Variants in NTRK2 observed in about 807,000 individuals in gnomAD.
The protein encoded by NTRK2 is neurotrophic receptor tyrosine kinase 2.
In NTRK2, 13 loss-of-function variants were observed where a neutral mutation model predicts 94.5. That is an observed-to-expected ratio of 0.14 (90% CI 0.09 to 0.22). The LOEUF is 0.22. Ranked by LOEUF, NTRK2 falls within the 10% of genes least tolerant of loss-of-function variation. NTRK2 has a pLI of 1.00. For missense variants in NTRK2, 639 were observed against 1,071.2 expected, an observed-to-expected ratio of 0.60 and a Z score of 5.63; for synonymous variants, 372 against 407.4, an observed-to-expected ratio of 0.91 and a Z score of 1.05.
chr9:84,757,352 A>AATCAAAT (rs1317770622), intron 12 of NTRK2, among the ~76,000 whole-genome samples: 4 of 152,372 alleles, frequency 2.6e-5, no homozygotes, highest in Non-Finnish European at 4.4e-5. Flanking sequence ...GTATGTAAAC[A>AATCAAAT]ATCAAATATA....
At chr9:85,000,705 A>T (rs974892299) in intron 17 of NTRK2, among the ~76,000 whole-genome samples, 2 of 152,234 alleles carry the variant, frequency 1.3e-5, no homozygotes, top group South Asian at 2.1e-4. Context: ...GCAATTATGA[A>T]TAAAGCGGGT....
intron 2 of NTRK2, among the ~76,000 whole-genome samples, chr9:84,681,864 C>T (rs1381106800): frequency 6.6e-6 from 1 of 152,186 alleles, no homozygotes; most frequent in East Asian, 1.9e-4. Flanking sequence ...CACTATATTG[C>T]TATATAAAGA....
At chr9:84,744,927 A>G (rs759944588) in intron 10 of NTRK2, 46 bp from the exon 11 acceptor site, 1 of 1,330,500 alleles carries the variant, frequency 7.5e-7, no homozygotes, top group Admixed American at 1.7e-5. Context: ...TTGGCAGCTT[A>G]ATGACAACTT....
intron 12 of NTRK2, among the ~76,000 whole-genome samples, chr9:84,779,534 A>G (rs1458299859): frequency 6.6e-6 from 1 of 152,234 alleles, no homozygotes; most frequent in Non-Finnish European, 1.5e-5. Context: ...TTGTCTAGAC[A>G]CACTGAGACA....
At chr9:84,884,911 A>G (rs2076367330) in intron 14 of NTRK2, among the ~76,000 whole-genome samples, 1 of 152,196 alleles carries the variant, frequency 6.6e-6, no homozygotes, top group Non-Finnish European at 1.5e-5. Context: ...TATTATTTGC[A>G]TTTCTGAGAA....
chr9:84,837,666 G>T (rs1186713865), intron 12 of NTRK2, among the ~76,000 whole-genome samples: 2 of 152,158 alleles, frequency 1.3e-5, no homozygotes, highest in Non-Finnish European at 2.9e-5. Context: ...ATAATCACAT[G>T]CTACTATGAT....
intron 9 of NTRK2, among the ~76,000 whole-genome samples, chr9:84,741,605 A>G (rs1274457928): frequency 6.6e-6 from 1 of 152,214 alleles, no homozygotes; most frequent in Non-Finnish European, 1.5e-5. Flanking sequence ...AAAGAAGAAA[A>G]ATGGTAATAA....
intron 10 of NTRK2, among the ~76,000 whole-genome samples, chr9:84,743,871 A>G (rs1294632202): frequency 1.3e-5 from 2 of 152,246 alleles, no homozygotes; most frequent in Non-Finnish European, 1.5e-5. Context: ...AATGATGAGA[A>G]TGTGGTTTTG....
intron 17 of NTRK2, among the ~76,000 whole-genome samples, chr9:84,990,635 G>A (rs184086198): frequency 1.9e-4 from 29 of 152,266 alleles, no homozygotes; most frequent in East Asian, 5.8e-4. Flanking sequence ...ACTCTCCCAC[G>A]TTGGTTCCAA....
Position 85,021,553 on chromosome 9 carries a change from T to C in NTRK2, c.*116T>C, listed in dbSNP as rs1832781138. On this transcript the variant is annotated 3_prime_UTR_variant, in exon 19 of 19. Coordinates refer to ENST00000277120, the MANE Select transcript of NTRK2 (RefSeq NM_006180.6). ...GCTGCTCTCCTTCACTCTGACAGTATTAACATCAAAGACTCCGAGAAGCTC... is the reference window on the plus strand; with the variant it reads ...GCTGCTCTCCTTCACTCTGACAGTACTAACATCAAAGACTCCGAGAAGCTC... 9.7e-7 allele frequency: 1 copy of C among 1,025,992 alleles called. No individual in the cohort carries two copies. Among genetic ancestry groups the C allele is most frequent in the South Asian group, 1.3e-5 (1 of 77,118 alleles). The allele number at this position is 1,025,992 out of a possible 1,614,324, so 63.6% of individuals were successfully genotyped here.
chr9:84,814,446 T>C (rs199523617), intron 12 of NTRK2: 61 of 1,065,502 alleles, frequency 5.7e-5, no homozygotes, highest in Non-Finnish European at 5.9e-5. Context: ...TGACTTTTTT[T>C]TCTCTCTCTC....
At chr9:84,813,532 G>A (rs1015798800) in intron 12 of NTRK2, 2 of 1,065,158 alleles carry the variant, frequency 1.9e-6, no homozygotes, top group Admixed American at 1.1e-4. Context: ...TGAGGGCTTT[G>A]TTACCACAAG....
chr9:84,910,214 A>T (rs1027051415), intron 14 of NTRK2, among the ~76,000 whole-genome samples: 21 of 152,308 alleles, frequency 1.4e-4, no homozygotes, highest in Admixed American at 4.6e-4. Flanking sequence ...CAGGGCTGTT[A>T]TAATAAATTA....
At position 84,762,023 on chromosome 9, in the gene NTRK2, G is replaced by GT. The variant is rs531733462; in HGVS notation, c.1396+9948dup. 6.8e-3 allele frequency among the ~76,000 whole-genome samples: 1,008 copies of GT among 148,880 alleles called. 20 individuals carry two copies. The highest frequency in any genetic ancestry group is 0.038 in the Admixed American group (562 of 14,922). On this transcript the variant is annotated intron_variant, in intron 12 of 18. Transcript: ENST00000277120. The stretch of plus-strand genomic sequence containing the variant: ...GTGAATAAGTCTCACACGATCTGAG[G>GT]TTTTTTTTTTATAAAGAGCAGTTCC...
intron 6 of NTRK2, among the ~76,000 whole-genome samples, chr9:84,713,390 G>C (rs960811226): frequency 3.3e-5 from 5 of 151,978 alleles, no homozygotes; most frequent in Non-Finnish European, 5.9e-5. Flanking sequence ...CCACCAATAA[G>C]GCAGAAAAAA....
intron 17 of NTRK2, among the ~76,000 whole-genome samples, chr9:84,995,101 T>TG (rs1448204997): frequency 1.3e-5 from 2 of 152,156 alleles, no homozygotes; most frequent in Non-Finnish European, 2.9e-5. Context: ...AGAAAACCCT[T>TG]GGGAAAAGTA....
chr9:84,839,392 A>G (rs2074048007), intron 12 of NTRK2, among the ~76,000 whole-genome samples: 1 of 152,202 alleles, frequency 6.6e-6, no homozygotes, highest in Non-Finnish European at 1.5e-5. Context: ...AGTATGTAAC[A>G]GTTGTTCAGG....
chr9:85,020,277 G>A lies in NTRK2; in HGVS notation c.2244G>A (p.Thr748=), dbSNP rs1010204088. 12 of 1,613,914 alleles carry A rather than the reference G, an allele frequency of 7.4e-6. No homozygotes were observed. Among genetic ancestry groups the A allele is most frequent in the South Asian group, 1.1e-5 (1 of 91,066 alleles). Residue 748 remains threonine (T), a synonymous_variant, in exon 18 of 19, where the codon ACG becomes ACA. Transcript: ENST00000277120. ...GCATCATGTACAGGAAATTCACGACGGAAAGCGACGTCTGGAGCCTGGGGG... is the reference window on the plus strand; with the variant it reads ...GCATCATGTACAGGAAATTCACGACAGAAAGCGACGTCTGGAGCCTGGGGG... ...PESIMYRKFT[T]ESDVWSLGVV...
chr9:85,011,827 A>G (rs1458520462), intron 17 of NTRK2, among the ~76,000 whole-genome samples: 2 of 152,080 alleles, frequency 1.3e-5, no homozygotes, highest in Non-Finnish European at 2.9e-5. Context: ...GATGGTCCTG[A>G]CCTATACTCT....
Sources: allele counts gnomAD v4.1 joint callset (sites outside exome capture counted in the v4.1 genomes callset), GRCh38; gene constraint gnomAD v4.1.1; transcripts MANE v1.5; gene names NCBI Gene and HGNC (gene_info 2026-07-23, HGNC 2026-07-21).